RARB: variants seen among roughly 807,000 people sequenced by gnomAD.
RARB encodes the protein HBV-activated protein.
RARB carries 17 observed loss-of-function variants against 51.9 expected under a neutral mutation model. The ratio of observed to expected loss-of-function variants is 0.33; its 90% CI spans 0.22 to 0.49. RARB has a LOEUF of 0.49. Among genes scored for constraint, RARB ranks in the 20% least tolerant of loss-of-function variants. The pLI is 0.99. For missense variants in RARB, 369 were observed against 550.8 expected (o/e 0.67, Z 3.30); for synonymous variants, 215 against 195.4 (o/e 1.10, Z -0.84).
intron 2 of RARB, among the ~76,000 whole-genome samples, chr3:25,483,211 A>C (rs1559426636): frequency 6.6e-6 from 1 of 152,242 alleles, no homozygotes; most frequent in Non-Finnish European, 1.5e-5. Context: ...ATCGGGACAC[A>C]ATTGTTTTAA....
At chr3:24,974,287 C>T (rs955296745) in intron 2 of RARB, among the ~76,000 whole-genome samples, 8 of 152,090 alleles carry the variant, frequency 5.3e-5, no homozygotes, top group African/African-American at 1.9e-4. Flanking sequence ...ATGAATTCCA[C>T]TTGATCACGG....
intron 2 of RARB, among the ~76,000 whole-genome samples, chr3:24,997,877 T>A (rs1263188699): frequency 6.6e-6 from 1 of 152,168 alleles, no homozygotes; most frequent in Non-Finnish European, 1.5e-5. Flanking sequence ...GATTGAGTTG[T>A]TAAAATCCTT....
intron 3 of RARB, among the ~76,000 whole-genome samples, chr3:25,130,638 T>A (rs1465392952): frequency 6.6e-6 from 1 of 151,752 alleles, no homozygotes; most frequent in Non-Finnish European, 1.5e-5. Context: ...GGGACCTGGG[T>A]GTGGGGGAAT....
chr3:24,833,561 GAT>G, intron 1 of RARB, among the ~76,000 whole-genome samples: 1 of 152,248 alleles, frequency 6.6e-6, no homozygotes, highest in South Asian at 2.1e-4. Flanking sequence ...TCTCCATTTG[GAT>G]GTTTCCCAAG....
At position 25,396,204 on chromosome 3, in the gene RARB, A is replaced by T. The variant is rs553394761; in HGVS notation, c.179-64989A>T. ...GGGAGGGTCTGTAAAGAGTCCTGAA[A>T]TGTGATCTATCTTCAGGCCTCTCAG... On this transcript the variant is annotated intron_variant, in intron 5 of 11. Transcript: ENST00000383772. 1.5e-3 allele frequency among the ~76,000 whole-genome samples: 228 copies of T among 152,328 alleles called. 3 individuals carry two copies. The highest frequency in any genetic ancestry group is 1.1e-3 in the Non-Finnish European group (75 of 68,038).
intron 5 of RARB, among the ~76,000 whole-genome samples, chr3:25,371,338 C>T (rs1457937607): frequency 6.6e-6 from 1 of 152,130 alleles, no homozygotes; most frequent in Non-Finnish European, 1.5e-5. Context: ...GGGAGGGTAG[C>T]ACCATTCAAC....
chr3:25,116,067 A>G (rs1251658579), intron 3 of RARB, among the ~76,000 whole-genome samples: 2 of 152,172 alleles, frequency 1.3e-5, no homozygotes, highest in Non-Finnish European at 2.9e-5. Flanking sequence ...CAAGTGTTTG[A>G]CATCTCATTG....
At chr3:25,199,112 C>T (rs1701326240) in intron 5 of RARB, among the ~76,000 whole-genome samples, 1 of 151,996 alleles carries the variant, frequency 6.6e-6, no homozygotes, top group Non-Finnish European at 1.5e-5. Context: ...TACTATTCAA[C>T]CATGAAAAAC....
Position 25,596,857 on chromosome 3 carries a change from A to C in RARB, c.*241A>C. The C allele has an allele frequency of 2.7e-6, 1 of 367,770 alleles. No homozygotes were observed. Among genetic ancestry groups the C allele is most frequent in the East Asian group, 4.0e-5 (1 of 24,722 alleles). The allele number at this position is 367,770 out of a possible 1,614,324, so 22.8% of individuals were successfully genotyped here. ...TTCATGCAACCAGAAACTAGTTAAAAGCTTCTATTTTCCTCTTTGAACACT... is the reference window on the plus strand; with the variant it reads ...TTCATGCAACCAGAAACTAGTTAAACGCTTCTATTTTCCTCTTTGAACACT... On this transcript the variant is annotated 3_prime_UTR_variant, in exon 8 of 8. Coordinates refer to ENST00000330688, the MANE Select transcript of RARB (RefSeq NM_000965.5).
intron 4 of RARB, among the ~76,000 whole-genome samples, chr3:25,580,096 C>A (rs966303023): frequency 1.3e-5 from 2 of 152,230 alleles, no homozygotes; most frequent in Non-Finnish European, 2.9e-5. Context: ...TGAATCCGAC[C>A]GGACACAGTG....
In RARB at chr3:25,210,755, G is replaced by C. The variant is rs189295599; in HGVS notation, c.178+36180G>C. Among the ~76,000 whole-genome samples the C allele has an allele frequency of 5.3e-5, 8 of 151,644 alleles. No individual in the cohort carries two copies. The South Asian group carries it at 1.7e-3, about 32-fold the overall frequency. On this transcript the variant is annotated intron_variant, in intron 5 of 11. Coordinates refer to the RARB transcript ENST00000383772. ...TCATCACATTGGCCATGCTGGTCTC[G>C]AACTCCTGACCTCAAGTGAATCGCC... is the stretch of plus-strand genomic sequence containing the variant.
At chr3:25,298,043 A>G (rs1444430538) in intron 5 of RARB, among the ~76,000 whole-genome samples, 1 of 152,184 alleles carries the variant, frequency 6.6e-6, no homozygotes, top group Non-Finnish European at 1.5e-5. Context: ...GTAATATAGG[A>G]CAAAAGACAG....
At chr3:25,542,863 T>C (rs955771742) in intron 3 of RARB, among the ~76,000 whole-genome samples, 1 of 152,194 alleles carries the variant, frequency 6.6e-6, no homozygotes, top group African/African-American at 2.4e-5. Flanking sequence ...TGTGAAGTGT[T>C]TAGTATTGTT....
chr3:25,515,080 T>C (rs1022819192), intron 3 of RARB, among the ~76,000 whole-genome samples: 1 of 152,170 alleles, frequency 6.6e-6, no homozygotes, highest in Non-Finnish European at 1.5e-5. Context: ...CTGAGGAAAC[T>C]CTTGGAGATG....
At chr3:25,383,853 C>T (rs1272460144) in intron 5 of RARB, among the ~76,000 whole-genome samples, 8 of 151,258 alleles carry the variant, frequency 5.3e-5, no homozygotes, top group Non-Finnish European at 1.2e-4. Context: ...TTGCTTGAAC[C>T]TGGAAGGCGG....
chr3:25,545,498 C>T (rs780925551), intron 3 of RARB, among the ~76,000 whole-genome samples: 1 of 152,212 alleles, frequency 6.6e-6, no homozygotes, highest in Non-Finnish European at 1.5e-5. Flanking sequence ...TTGCAGTGAA[C>T]AGTTCTCCTC....
intron 5 of RARB, among the ~76,000 whole-genome samples, chr3:25,365,555 A>G (rs77018420): frequency 0.035 from 5,326 of 152,256 alleles, 124 homozygotes; most frequent in Middle Eastern, 0.065. Context: ...TAGGAATTTG[A>G]GCAGGGCACA....
intron 5 of RARB, among the ~76,000 whole-genome samples, chr3:25,355,889 A>T (rs1045195453): frequency 6.6e-6 from 1 of 152,118 alleles, no homozygotes; most frequent in South Asian, 2.1e-4. Context: ...TTATTTTTTT[A>T]TGGGATGCGT....
intron 3 of RARB, among the ~76,000 whole-genome samples, chr3:25,126,730 ATGGAACACCAGCTTTG>A (rs1250568482): frequency 1.3e-5 from 2 of 152,158 alleles, no homozygotes; most frequent in South Asian, 4.1e-4. Flanking sequence ...TCACTGATCA[ATGGAACACCAGCTTTG>A]TGTTTATAGT....
Sources: gnomAD v4.1 joint callset for allele counts (sites outside exome capture counted in the v4.1 genomes callset) on GRCh38, gnomAD v4.1.1 for gene constraint, MANE v1.5 for transcripts, NCBI Gene and HGNC (gene_info 2026-07-23, HGNC 2026-07-21) for gene names.